Variants in PPM1L observed in about 807,000 individuals in gnomAD.
PPM1L encodes protein phosphatase, Mg2+/Mn2+ dependent 1L.
In PPM1L, 13 loss-of-function variants were observed where a neutral mutation model predicts 31.4. The observed-to-expected ratio is 0.41, with a 90% confidence interval of 0.27 to 0.66. The LOEUF (loss-of-function observed/expected upper bound fraction) is 0.66. Among genes scored for constraint, PPM1L ranks in the 30% least tolerant of loss-of-function variants. The probability of loss-of-function intolerance (pLI) is 0.29; values close to 1 mark genes in which losing one functional copy is unlikely to be tolerated. For missense variants in PPM1L, 326 were observed against 453.7 expected (o/e 0.72, Z 2.56); for synonymous variants, 184 against 175.4 (o/e 1.05, Z -0.39).
At chr3:161,001,178 C>A (rs1159327413) in intron 2 of PPM1L, among the ~76,000 whole-genome samples, 2 of 152,098 alleles carry the variant, frequency 1.3e-5, no homozygotes, top group Non-Finnish European at 2.9e-5. Context: ...ATTTAGCTAA[C>A]TCTCAGAGGA....
chr3:161,023,127 G>GTTT (rs35722797), intron 2 of PPM1L, among the ~76,000 whole-genome samples: 2 of 142,938 alleles, frequency 1.4e-5, no homozygotes, highest in African/African-American at 2.6e-5. Flanking sequence ...CATTATGAGG[G>GTTT]TTTTTTTTTT....
intron 2 of PPM1L, among the ~76,000 whole-genome samples, chr3:161,024,241 G>C (rs1718314893): frequency 6.6e-6 from 1 of 150,714 alleles, no homozygotes; most frequent in South Asian, 2.1e-4. Context: ...CTCCTGCCTG[G>C]GTGACAGGGC....
intron 1 of PPM1L, among the ~76,000 whole-genome samples, chr3:160,910,901 A>G (rs79135794): frequency 0.016 from 2,479 of 152,310 alleles, 70 homozygotes; most frequent in African/African-American, 0.057. Flanking sequence ...TGGAAATCCA[A>G]GATATTTCTT....
intron 1 of PPM1L, among the ~76,000 whole-genome samples, chr3:160,819,197 A>G (rs900537187): frequency 3.9e-5 from 6 of 152,036 alleles, no homozygotes; most frequent in Non-Finnish European, 7.4e-5. Context: ...CACTTGGCCT[A>G]AATTTCTTTT....
At chr3:160,961,260 T>C (rs775697980) in intron 1 of PPM1L, among the ~76,000 whole-genome samples, 3 of 152,196 alleles carry the variant, frequency 2.0e-5, no homozygotes, top group Non-Finnish European at 2.9e-5. Context: ...AGGACTCTCC[T>C]TTATAAAATT....
At chr3:160,901,681 T>C (rs972116563) in intron 1 of PPM1L, among the ~76,000 whole-genome samples, 2 of 152,222 alleles carry the variant, frequency 1.3e-5, no homozygotes, top group African/African-American at 4.8e-5. Flanking sequence ...TCATATGATG[T>C]AGCTCCTTGG....
At chr3:160,900,654 A>G (rs1446794950) in intron 1 of PPM1L, among the ~76,000 whole-genome samples, 3 of 152,064 alleles carry the variant, frequency 2.0e-5, no homozygotes, top group African/African-American at 4.8e-5. Context: ...AAAATATTAT[A>G]ATGTGGCTAT....
At chr3:160,901,698 C>T (rs553022100) in intron 1 of PPM1L, among the ~76,000 whole-genome samples, 67 of 152,236 alleles carry the variant, frequency 4.4e-4, no homozygotes, top group South Asian at 3.9e-3. Context: ...TTGGTACATA[C>T]TTGTTGATGT....
At chr3:160,911,847 T>C (rs1227965761) in intron 1 of PPM1L, among the ~76,000 whole-genome samples, 2 of 152,110 alleles carry the variant, frequency 1.3e-5, no homozygotes, top group Non-Finnish European at 2.9e-5. Flanking sequence ...CTTCCTAACA[T>C]GTAAACCATT....
chr3:161,032,984 C>T (rs191057798), intron 2 of PPM1L, among the ~76,000 whole-genome samples: 1,804 of 151,570 alleles, frequency 0.012, 25 homozygotes, highest in Middle Eastern at 0.021. Context: ...CATGAGCCAC[C>T]GCCCCTGGCC....
At position 161,005,419 on chromosome 3, in the gene PPM1L, T is replaced by C. The variant is rs80083513; in HGVS notation, c.574+43509T>C. Among the ~76,000 whole-genome samples, 230 of 152,322 alleles carry C rather than the reference T, an allele frequency of 1.5e-3. 5 individuals are homozygous for C. The East Asian group carries it at 0.027, about 18-fold the overall frequency. On this transcript the variant is annotated intron_variant, in intron 2 of 3. Transcript: ENST00000498165. ...ACTATGATCTCATAAAAAAGTGATA[T>C]GTATTATGAGAGGTACAGGTTTTCT... is the stretch of plus-strand genomic sequence containing the variant.
At chr3:160,848,269 A>T (rs79599391) in intron 1 of PPM1L, among the ~76,000 whole-genome samples, 4,897 of 152,236 alleles carry the variant, frequency 0.032, 245 homozygotes, top group African/African-American at 0.11. Context: ...TTTCTCATAT[A>T]TCTTATTCCC....
chr3:160,980,300 G>T (rs985066080), intron 2 of PPM1L, among the ~76,000 whole-genome samples: 5 of 151,926 alleles, frequency 3.3e-5, no homozygotes, highest in African/African-American at 1.2e-4. Context: ...TTCTTTCAAG[G>T]CGGTGAAGTA....
intron 2 of PPM1L, among the ~76,000 whole-genome samples, chr3:160,975,859 C>G (rs1381235914): frequency 2.7e-5 from 4 of 147,776 alleles, no homozygotes; most frequent in Non-Finnish European, 6.0e-5. Context: ...ATTGAATACC[C>G]TTTATTTCCT....
intron 1 of PPM1L, among the ~76,000 whole-genome samples, chr3:160,821,830 G>A (rs1423940585): frequency 6.6e-6 from 1 of 151,640 alleles, no homozygotes; most frequent in Non-Finnish European, 1.5e-5. Flanking sequence ...GATATTCAAT[G>A]TGCCTTCTTT....
At chr3:160,852,728 C>T (rs1711563976) in intron 1 of PPM1L, among the ~76,000 whole-genome samples, 1 of 152,144 alleles carries the variant, frequency 6.6e-6, no homozygotes, top group African/African-American at 2.4e-5. Flanking sequence ...CGTACTTTTC[C>T]AATTGTATTC....
intron 1 of PPM1L, among the ~76,000 whole-genome samples, chr3:160,937,730 TA>T (rs1715026033): frequency 6.6e-6 from 1 of 152,232 alleles, no homozygotes; most frequent in South Asian, 2.1e-4. Context: ...TGCTTTGTAC[TA>T]TTTTTTGAAG....
At chr3:160,834,331 G>A (rs533091383) in intron 1 of PPM1L, among the ~76,000 whole-genome samples, 68 of 152,040 alleles carry the variant, frequency 4.5e-4, no homozygotes, top group Non-Finnish European at 2.9e-5. Context: ...CCTTAAATAA[G>A]GAATTCTTTC....
intron 1 of PPM1L, among the ~76,000 whole-genome samples, chr3:160,820,850 T>C (rs1713178295): frequency 6.6e-6 from 1 of 152,144 alleles, no homozygotes; most frequent in Non-Finnish European, 1.5e-5. Context: ...TTCCTATGAA[T>C]GTTTCTGTAA....
Sources: allele counts gnomAD v4.1 joint callset (sites outside exome capture counted in the v4.1 genomes callset), GRCh38; gene constraint gnomAD v4.1.1; transcripts MANE v1.5; gene names NCBI Gene and HGNC (gene_info 2026-07-23, HGNC 2026-07-21).